ASCC3: variants seen among roughly 807,000 people sequenced by gnomAD.
ASCC3 encodes activating signal cointegrator 1 complex subunit 3.
ASCC3 carries 158 observed loss-of-function variants against 256.3 expected under a neutral mutation model. The ratio of observed to expected loss-of-function variants is 0.62; its 90% CI spans 0.54 to 0.70. The LOEUF (loss-of-function observed/expected upper bound fraction) is 0.70. Among genes scored for constraint, ASCC3 ranks in the 30% least tolerant of loss-of-function variants. The probability of loss-of-function intolerance (pLI) is 0.00; values close to 1 mark genes in which losing one functional copy is unlikely to be tolerated. For missense variants in ASCC3, 2,259 were observed against 2,626.0 expected, an observed-to-expected ratio of 0.86 and a Z score of 3.05; for synonymous variants, 948 against 883.4, an observed-to-expected ratio of 1.07 and a Z score of -1.30.
At chr6:100,702,621 T>C (rs1778406048) in intron 13 of ASCC3, among the ~76,000 whole-genome samples, 1 of 151,986 alleles carries the variant, frequency 6.6e-6, no homozygotes, top group East Asian at 1.9e-4. Context: ...CCACGCCTGG[T>C]AGAGAAGGAA....
chr6:100,862,391 G>A (rs907797301), intron 3 of ASCC3, among the ~76,000 whole-genome samples: 1 of 151,856 alleles, frequency 6.6e-6, no homozygotes, highest in East Asian at 1.9e-4. Context: ...ATCATACTGG[G>A]TTACAGACCA....
At chr6:100,566,371 C>T (rs1020233348) in intron 36 of ASCC3, among the ~76,000 whole-genome samples, 1 of 152,118 alleles carries the variant, frequency 6.6e-6, no homozygotes, top group African/African-American at 2.4e-5. Flanking sequence ...GATTCGAACC[C>T]ATGTTTCTGA....
At chr6:100,673,637 G>A (rs1186838006) in intron 14 of ASCC3, among the ~76,000 whole-genome samples, 3 of 152,120 alleles carry the variant, frequency 2.0e-5, no homozygotes, top group African/African-American at 7.2e-5. Flanking sequence ...CTTATTCAAA[G>A]TGAACCACAT....
chr6:100,572,058 G>A (rs2114726515), intron 36 of ASCC3, among the ~76,000 whole-genome samples: 1 of 152,284 alleles, frequency 6.6e-6, no homozygotes, highest in African/African-American at 2.4e-5. Flanking sequence ...GTGAGAAAAT[G>A]ATCAGGAGAT....
At chr6:100,639,065 C>T (rs1262054624) in intron 24 of ASCC3, among the ~76,000 whole-genome samples, 1 of 152,062 alleles carries the variant, frequency 6.6e-6, no homozygotes, top group Admixed American at 6.6e-5. Flanking sequence ...ACTATAATGC[C>T]ATATCCTTCT....
rs76739803 is a variant in ASCC3, at chr6:100,839,207, C to A, written c.801+8941G>T. On this transcript the variant is annotated intron_variant, in intron 4 of 41. Coordinates refer to ENST00000369162, the MANE Select transcript of ASCC3 (RefSeq NM_006828.4). ...CTTCTTAAATGTATGTATGAAAGAT[C>A]CAAAAGGAGAGACTTAAGAAAGCAA... Among the ~76,000 whole-genome samples the A allele has an allele frequency of 6.9e-3, 1,053 of 152,064 alleles. 12 individuals carry two copies. The highest frequency in any genetic ancestry group is 0.024 in the African/African-American group (1,012 of 41,508).
chr6:100,861,609 ATAGT>A (rs1773229059), intron 3 of ASCC3, among the ~76,000 whole-genome samples: 1 of 152,158 alleles, frequency 6.6e-6, no homozygotes, highest in African/African-American at 2.4e-5. Flanking sequence ...ACTAAACCTA[ATAGT>A]TATTCAACTG....
At chr6:100,612,327 A>G (rs1305000305) in intron 30 of ASCC3, among the ~76,000 whole-genome samples, 1 of 152,046 alleles carries the variant, frequency 6.6e-6, no homozygotes, top group Non-Finnish European at 1.5e-5. Context: ...CAGATTGTGC[A>G]GCCCAATTCT....
intron 10 of ASCC3, among the ~76,000 whole-genome samples, chr6:100,726,020 T>A (rs1411275317): frequency 6.6e-6 from 1 of 150,600 alleles, no homozygotes; most frequent in Non-Finnish European, 1.5e-5. Context: ...AAGAACACTA[T>A]TTTTTAAAGT....
At chr6:100,544,200 A>G (rs185952102) in intron 36 of ASCC3, among the ~76,000 whole-genome samples, 2 of 152,148 alleles carry the variant, frequency 1.3e-5, no homozygotes, top group Non-Finnish European at 2.9e-5. Flanking sequence ...AAAACTAAAC[A>G]TCTATATTAG....
At chr6:100,594,567 G>A (rs1772181876) in intron 34 of ASCC3, among the ~76,000 whole-genome samples, 1 of 152,102 alleles carries the variant, frequency 6.6e-6, no homozygotes, top group African/African-American at 2.4e-5. Flanking sequence ...GGGAATCCTT[G>A]TACATGGTTG....
chr6:100,663,370 T>C (rs949619863), intron 14 of ASCC3, among the ~76,000 whole-genome samples: 6 of 152,122 alleles, frequency 3.9e-5, no homozygotes, highest in Non-Finnish European at 7.4e-5. Context: ...AGTAGCATGA[T>C]GAAATCTCAC....
At chr6:100,612,156 T>C (rs1477517411) in intron 30 of ASCC3, among the ~76,000 whole-genome samples, 8 of 152,034 alleles carry the variant, frequency 5.3e-5, no homozygotes, top group Admixed American at 5.2e-4. Context: ...TTTTACATTT[T>C]ATATTTATTA....
chr6:100,534,316 C>G (rs1775062046), intron 37 of ASCC3, among the ~76,000 whole-genome samples: 1 of 152,170 alleles, frequency 6.6e-6, no homozygotes, highest in Non-Finnish European at 1.5e-5. Flanking sequence ...CAGAGAGGTA[C>G]TCAAAACACT....
intron 4 of ASCC3, among the ~76,000 whole-genome samples, chr6:100,810,506 G>C (rs1033677516): frequency 6.6e-6 from 1 of 152,084 alleles, no homozygotes. Flanking sequence ...ATTCGTAACA[G>C]TATTTTCTTT....
chr6:100,668,446 T>C (rs1427808061), intron 14 of ASCC3, among the ~76,000 whole-genome samples: 2 of 151,966 alleles, frequency 1.3e-5, no homozygotes, highest in African/African-American at 2.4e-5. Context: ...TCTAAAATGA[T>C]AAAAATAATG....
intron 10 of ASCC3, among the ~76,000 whole-genome samples, chr6:100,736,685 C>CT (rs1288573183): frequency 6.6e-6 from 1 of 152,150 alleles, no homozygotes; most frequent in Non-Finnish European, 1.5e-5. Context: ...CTGTCCAGCC[C>CT]TTGGCCTAAT....
At chr6:100,816,634 T>C (rs944156199) in intron 4 of ASCC3, among the ~76,000 whole-genome samples, 2 of 152,118 alleles carry the variant, frequency 1.3e-5, no homozygotes, top group South Asian at 2.1e-4. Flanking sequence ...CCATTATCTT[T>C]AGCAAACTAG....
rs200995528 is a variant in ASCC3 at position 100,818,583 on chromosome 6, AAGAAG to A, written c.802-12708_802-12704del. Among the ~76,000 whole-genome samples the A allele has an allele frequency of 0.019, 2,746 of 143,812 alleles. 173 individuals are homozygous for A. The East Asian group carries it at 0.24, about 13-fold the overall frequency. 94.3% of individuals were successfully genotyped at this position (143,812 alleles called of 152,430 possible). A position where few individuals can be genotyped will look rare whatever the true frequency, so the allele number is the denominator to read the frequency against. ...GACTCCGTCTCAAAAAAAAAAAAAA[AAGAAG>A]AAGAAAAATCTGCAGCTAACATACA... On this transcript the variant is annotated intron_variant, in intron 4 of 41. Coordinates refer to ENST00000369162, the MANE Select transcript of ASCC3 (RefSeq NM_006828.4).
Sources: gnomAD v4.1 joint callset for allele counts (sites outside exome capture counted in the v4.1 genomes callset) on GRCh38, gnomAD v4.1.1 for gene constraint, MANE v1.5 for transcripts, NCBI Gene and HGNC (gene_info 2026-07-23, HGNC 2026-07-21) for gene names.